The following HECTD4 variants were observed in gnomAD, a reference collection of about 807,000 sequenced individuals.
HECTD4 encodes probable E3 ubiquitin-protein ligase HECTD4.
In HECTD4, 114 loss-of-function variants were observed where a neutral mutation model predicts 471.5. The ratio of observed to expected loss-of-function variants is 0.24; its 90% confidence interval spans 0.21 to 0.28. HECTD4 has a LOEUF of 0.28. Ranked by LOEUF, HECTD4 falls within the 10% of genes least tolerant of loss-of-function variation. The pLI is 1.00. For missense variants in HECTD4, 3,866 were observed against 5,651.5 expected (o/e 0.68, Z 10.13); for synonymous variants, 2,012 against 2,256.0 (o/e 0.89, Z 3.07).
intron 1 of HECTD4, among the ~76,000 whole-genome samples, chr12:112,380,372 G>A (rs1404757650): frequency 6.6e-6 from 1 of 152,022 alleles, no homozygotes; most frequent in African/African-American, 2.4e-5. Context: ...TTGAATCCGG[G>A]AGGCAGAGGC....
At chr12:112,358,309 T>C (rs1454690232) in intron 1 of HECTD4, among the ~76,000 whole-genome samples, 1 of 152,108 alleles carries the variant, frequency 6.6e-6, no homozygotes, top group Non-Finnish European at 1.5e-5. Flanking sequence ...AAATAAAATA[T>C]TATAACCTAC....
At chr12:112,332,254 A>C (rs1050348113) in intron 1 of HECTD4, among the ~76,000 whole-genome samples, 4 of 152,036 alleles carry the variant, frequency 2.6e-5, no homozygotes, top group East Asian at 3.9e-4. Flanking sequence ...TTCCTGGGGC[A>C]GGGCGCGGTG....
chr12:112,342,456 A>G (rs2036070164), intron 1 of HECTD4, among the ~76,000 whole-genome samples: 1 of 152,174 alleles, frequency 6.6e-6, no homozygotes, highest in African/African-American at 2.4e-5. Context: ...GACCCTGTCT[A>G]TTTAAAAACA....
chr12:112,182,887 A>G (rs551199256), intron 62 of HECTD4, among the ~76,000 whole-genome samples, 172 bp downstream of exon 62: 1 of 152,352 alleles, frequency 6.6e-6, no homozygotes, highest in East Asian at 1.9e-4. Context: ...ACACTCTCTG[A>G]ATTGTTTTCA....
chr12:112,230,137 T>C (rs966506220), intron 40 of HECTD4, among the ~76,000 whole-genome samples: 2 of 152,214 alleles, frequency 1.3e-5, no homozygotes, highest in African/African-American at 4.8e-5. Context: ...CAATCATTTA[T>C]CTGAAGGAAA....
At chr12:112,369,370 C>G (rs1397100395) in intron 1 of HECTD4, among the ~76,000 whole-genome samples, 4 of 139,418 alleles carry the variant, frequency 2.9e-5, no homozygotes, top group African/African-American at 1.1e-4. Context: ...GAGACAGAGT[C>G]TCGCTCTGTC....
chr12:112,223,503 T>C (rs2033153156), intron 44 of HECTD4, among the ~76,000 whole-genome samples: 1 of 152,178 alleles, frequency 6.6e-6, no homozygotes, highest in African/African-American at 2.4e-5. Flanking sequence ...CATGGCAACC[T>C]CCACCTCCTG....
Position 112,200,842 on chromosome 12 carries a change from GT to G in HECTD4, c.8407-45del, listed in dbSNP as rs777273212. On this transcript the variant is annotated intron_variant, in intron 54 of 75. Transcript: ENST00000682272. ...ATGTCTGTTTGTGCTGTTTGCTTTT[GT>G]TTTCCATGTGTGCGTGCGTGCGTGT... 4 of 1,586,944 alleles carry G rather than the reference GT, an allele frequency of 2.5e-6. No individual in the cohort carries two copies. The East Asian group carries it at 9.0e-5, about 36-fold the overall frequency.
chr12:112,269,859 CAGA>C lies in HECTD4; in HGVS notation c.2176-13_2176-11del. ...AAAATTTAAATACCACCTACAGAAA[CAGA>C]AGGAGTCTATCTAAAAATGCTAATT... On this transcript the variant is annotated splice_polypyrimidine_tract_variant and intron_variant, in intron 12 of 75. Coordinates refer to ENST00000682272, the MANE Select transcript of HECTD4 (RefSeq NM_001388303.1). 3 of 1,611,224 alleles carry C rather than the reference CAGA, an allele frequency of 1.9e-6. No individual in the cohort carries two copies. The highest frequency in any genetic ancestry group is 4.5e-5 in the East Asian group (2 of 44,874).
At chr12:112,263,941 T>A in intron 17 of HECTD4, 143 bp downstream of exon 17, 1 of 673,866 alleles carries the variant, frequency 1.5e-6, no homozygotes, top group Non-Finnish European at 2.2e-6. Context: ...AAAAAATCTA[T>A]GGAATGAGTG....
At chr12:112,202,727 A>G (rs1363130255) in intron 54 of HECTD4, among the ~76,000 whole-genome samples, 1 of 152,192 alleles carries the variant, frequency 6.6e-6, no homozygotes, top group Non-Finnish European at 1.5e-5. Flanking sequence ...TCAGAATCAC[A>G]TAGTCATGGC....
Position 112,258,433 on chromosome 12 carries a change from G to A in HECTD4, c.3128+63C>T, listed in dbSNP as rs2034072395. ...GCTAAAAATCATTTTCATAAAAGGA[G>A]TACTACGCTTTCACCCAAAGAAAAC... On this transcript the variant is annotated intron_variant, in intron 20 of 75. Transcript: ENST00000682272. 7.9e-6 allele frequency: 9 copies of A among 1,143,862 alleles called. No homozygotes were observed. The South Asian group carries it at 9.6e-5, about 12-fold the overall frequency. The allele number at this position is 1,143,862 out of a possible 1,614,324, so 70.9% of individuals were successfully genotyped here. A position where few individuals can be genotyped will look rare whatever the true frequency, so the allele number is the denominator to read the frequency against.
chr12:112,215,160 C>A (rs1394848820), intron 48 of HECTD4, among the ~76,000 whole-genome samples: 1 of 151,972 alleles, frequency 6.6e-6, no homozygotes, highest in African/African-American at 2.4e-5. Context: ...TTCAAAAGAA[C>A]AAACAAACAA....
intron 72 of HECTD4, among the ~76,000 whole-genome samples, chr12:112,165,078 G>A (rs2030881742): frequency 6.6e-6 from 1 of 151,158 alleles, no homozygotes; most frequent in South Asian, 2.1e-4. Context: ...CCGCCACCAT[G>A]CCTGGCTAAT....
At chr12:112,233,388 A>G (rs2033430252) in intron 37 of HECTD4, among the ~76,000 whole-genome samples, 1 of 151,212 alleles carries the variant, frequency 6.6e-6, no homozygotes, top group African/African-American at 2.4e-5. Context: ...ATGCTTGCCT[A>G]ATTTTTGTAT....
chr12:112,178,943 A>T lies in HECTD4; in HGVS notation c.11351T>A (p.Leu3784His). Residue 3784 changes from leucine (L) to histidine (H), a missense_variant, in exon 64 of 76, where the codon CTC (leucine) becomes CAC (histidine). Around this residue, in one of 16 missense-constraint regions of HECTD4, gnomAD observed 715 missense variants for 1,087.6 expected, o/e 0.66. Coordinates refer to ENST00000682272, the MANE Select transcript of HECTD4 (RefSeq NM_001388303.1). ...TKPPAKDKAV[L>H]NSVSRTALSE... is the part of the protein sequence containing the mutation. ...TTGGGGCACGCACCTGACGCTGTTGAGCACAGCCTTGTCCTTGGCGGGCGG... is the reference window on the plus strand; with the variant it reads ...TTGGGGCACGCACCTGACGCTGTTGTGCACAGCCTTGTCCTTGGCGGGCGG... The T allele has an allele frequency of 6.2e-7, 1 of 1,611,548 alleles. No individual in the cohort carries two copies. Among genetic ancestry groups the T allele is most frequent in the Non-Finnish European group, 8.5e-7 (1 of 1,179,080 alleles).
At chr12:112,284,804 T>A (rs2034716449) in intron 7 of HECTD4, among the ~76,000 whole-genome samples, 1 of 152,120 alleles carries the variant, frequency 6.6e-6, no homozygotes, top group Admixed American at 6.6e-5. Flanking sequence ...TTAGTGTTGG[T>A]GGCAGAACAC....
At chr12:112,200,598 G>T in intron 55 of HECTD4, 40 bp downstream of exon 55, 1 of 1,587,472 alleles carries the variant, frequency 6.3e-7, no homozygotes, top group Middle Eastern at 1.7e-4. Context: ...CGAAGTTGGT[G>T]GATTTCTGTG....
intron 41 of HECTD4, among the ~76,000 whole-genome samples, chr12:112,229,361 AACTT>A (rs1210840104): frequency 2.0e-5 from 3 of 150,876 alleles, no homozygotes; most frequent in Non-Finnish European, 4.4e-5. Flanking sequence ...CAAACAAACA[AACTT>A]GTTACTGCTG....
Sources: gnomAD v4.1 joint callset for allele counts (sites outside exome capture counted in the v4.1 genomes callset) on GRCh38, gnomAD v4.1.1 for gene constraint, gnomAD v4.1.1 regional missense constraint, MANE v1.5 for transcripts, NCBI Gene and HGNC (gene_info 2026-07-23, HGNC 2026-07-21) for gene names.